The following FBXL7 variants were observed in gnomAD, a reference collection of about 807,000 sequenced individuals.
FBXL7 encodes the protein F-box and leucine rich repeat protein 7, also known as F-box/LRR-repeat protein 7.
In FBXL7, 12 loss-of-function variants were observed where a neutral mutation model predicts 38.3. That is an observed-to-expected ratio of 0.31 (90% CI 0.20 to 0.51). The LOEUF (loss-of-function observed/expected upper bound fraction) is 0.51, where lower values mean the gene tolerates loss of function less well. Among genes scored for constraint, FBXL7 ranks in the 20% least tolerant of loss-of-function variants. The pLI is 0.98. For synonymous variants in FBXL7, 297 were observed against 300.9 expected, an observed-to-expected ratio of 0.99 and a Z score of 0.13; for missense variants, 567 against 676.4, an observed-to-expected ratio of 0.84 and a Z score of 1.79.
chr5:15,517,272 T>C (rs981559513), intron 1 of FBXL7, among the ~76,000 whole-genome samples: 2 of 152,110 alleles, frequency 1.3e-5, no homozygotes, highest in African/African-American at 4.8e-5. Flanking sequence ...TTTTATAAAA[T>C]AAAGAGTTGT....
intron 1 of FBXL7, among the ~76,000 whole-genome samples, chr5:15,570,354 C>G (rs1738733617): frequency 6.6e-6 from 1 of 152,150 alleles, no homozygotes. Context: ...TCCATTTCTT[C>G]TAGATTTTCT....
intron 2 of FBXL7, among the ~76,000 whole-genome samples, chr5:15,833,178 C>G (rs1014009697): frequency 6.6e-6 from 1 of 152,268 alleles, no homozygotes; most frequent in South Asian, 2.1e-4. Flanking sequence ...GACTAATACA[C>G]TTATAAACAA....
intron 2 of FBXL7, among the ~76,000 whole-genome samples, chr5:15,644,225 G>A (rs1240782824): frequency 1.3e-5 from 2 of 149,740 alleles, no homozygotes; most frequent in Non-Finnish European, 2.9e-5. Context: ...TTGGGAGGCC[G>A]AAGTGGGCGG....
intron 2 of FBXL7, among the ~76,000 whole-genome samples, chr5:15,647,182 T>C (rs1741558131): frequency 1.3e-5 from 2 of 152,256 alleles, no homozygotes; most frequent in South Asian, 4.1e-4. Context: ...AACATTTATT[T>C]AGCACTTGTA....
intron 2 of FBXL7, among the ~76,000 whole-genome samples, chr5:15,677,731 A>T (rs1742710312): frequency 6.6e-6 from 1 of 152,166 alleles, no homozygotes; most frequent in Admixed American, 6.5e-5. Flanking sequence ...ATGTCTCAGG[A>T]TATATCTTAG....
At chr5:15,886,046 C>T (rs2126355608) in intron 2 of FBXL7, among the ~76,000 whole-genome samples, 1 of 152,192 alleles carries the variant, frequency 6.6e-6, no homozygotes, top group South Asian at 2.1e-4. Flanking sequence ...AAATGATATT[C>T]TCCTGTTTGA....
intron 2 of FBXL7, among the ~76,000 whole-genome samples, chr5:15,877,165 A>G (rs182455136): frequency 3.3e-5 from 5 of 152,172 alleles, no homozygotes; most frequent in Admixed American, 3.3e-4. Flanking sequence ...GCTTCACAAC[A>G]TATCTGCAAC....
At chr5:15,763,864 G>A (rs1736517320) in intron 2 of FBXL7, among the ~76,000 whole-genome samples, 1 of 152,220 alleles carries the variant, frequency 6.6e-6, no homozygotes, top group African/African-American at 2.4e-5. Flanking sequence ...ATGGTGGCTA[G>A]TCCCACAATA....
chr5:15,896,540 T>C (rs533610579), intron 2 of FBXL7, among the ~76,000 whole-genome samples: 18 of 152,184 alleles, frequency 1.2e-4, no homozygotes, highest in Non-Finnish European at 2.2e-4. Flanking sequence ...AACAGTGGCA[T>C]GTGCCACCAG....
chr5:15,705,839 T>A (rs1212299900), intron 2 of FBXL7, among the ~76,000 whole-genome samples: 2 of 152,102 alleles, frequency 1.3e-5, no homozygotes, highest in African/African-American at 2.4e-5. Context: ...CTTGTTTTTT[T>A]AAACAAATAA....
In FBXL7 at chr5:15,821,797, C is replaced by G. The variant is rs140274288; in HGVS notation, c.128-106093C>G. Among the ~76,000 whole-genome samples the G allele has an allele frequency of 6.5e-3, 993 of 152,300 alleles. 13 individuals carry two copies. The highest frequency in any genetic ancestry group is 0.023 in the African/African-American group (962 of 41,554). ...TACTTCCTCTCAAAGGAGAAAGCAG[C>G]AGGGACTTTTCTGAGCTGTTGGGAG... On this transcript the variant is annotated intron_variant, in intron 2 of 3. Coordinates refer to ENST00000504595, the MANE Select transcript of FBXL7 (RefSeq NM_012304.5).
intron 2 of FBXL7, among the ~76,000 whole-genome samples, chr5:15,619,492 ACT>A (rs1337601838): frequency 6.6e-6 from 1 of 152,128 alleles, no homozygotes; most frequent in African/African-American, 2.4e-5. Flanking sequence ...TTCTCTTCCC[ACT>A]GTTTTCTAGA....
chr5:15,894,800 A>G (rs1361514543), intron 2 of FBXL7, among the ~76,000 whole-genome samples: 2 of 152,240 alleles, frequency 1.3e-5, no homozygotes, highest in Admixed American at 1.3e-4. Context: ...CCCAAAAACT[A>G]CACCCAACTC....
chr5:15,723,625 A>G (rs530386192), intron 2 of FBXL7, among the ~76,000 whole-genome samples: 2 of 152,364 alleles, frequency 1.3e-5, no homozygotes, highest in Non-Finnish European at 2.9e-5. Flanking sequence ...AGCCTCAAGA[A>G]CATGGATTTT....
chr5:15,587,961 T>G (rs1310632040), intron 1 of FBXL7, among the ~76,000 whole-genome samples: 1 of 152,166 alleles, frequency 6.6e-6, no homozygotes, highest in Non-Finnish European at 1.5e-5. Flanking sequence ...TTTTTTTGGT[T>G]GTTGTTCCTA....
intron 2 of FBXL7, among the ~76,000 whole-genome samples, chr5:15,621,756 G>A (rs963055856): frequency 2.0e-5 from 3 of 152,124 alleles, no homozygotes; most frequent in African/African-American, 7.2e-5. Context: ...TAAGTAGGAC[G>A]CATATTCAAA....
intron 1 of FBXL7, among the ~76,000 whole-genome samples, chr5:15,568,924 G>C (rs927051237): frequency 2.6e-5 from 4 of 152,028 alleles, no homozygotes; most frequent in African/African-American, 9.7e-5. Context: ...ATTTCTGAGG[G>C]CTCTGTTCTG....
chr5:15,702,340 T>C (rs1160074070), intron 2 of FBXL7, among the ~76,000 whole-genome samples: 1 of 152,116 alleles, frequency 6.6e-6, no homozygotes, highest in Non-Finnish European at 1.5e-5. Flanking sequence ...AAGTGAGACT[T>C]TTTGGTTTGC....
chr5:15,782,968 A>G (rs1426012281), intron 2 of FBXL7, among the ~76,000 whole-genome samples: 3 of 152,134 alleles, frequency 2.0e-5, no homozygotes, highest in Admixed American at 2.0e-4. Flanking sequence ...AATAATAAAT[A>G]TAAAGTGACA....
Sources: gnomAD v4.1 joint callset for allele counts (sites outside exome capture counted in the v4.1 genomes callset) on GRCh38, gnomAD v4.1.1 for gene constraint, MANE v1.5 for transcripts, NCBI Gene and HGNC (gene_info 2026-07-23, HGNC 2026-07-21) for gene names.